The following ASCC2 variants were observed in gnomAD, a reference collection of about 807,000 sequenced individuals.
ASCC2 encodes the protein activating signal cointegrator 1 complex subunit 2, also known as ASC-1 complex subunit P100.
A neutral mutation model predicts 93.5 loss-of-function variants in ASCC2; 42 were observed. That is an observed-to-expected ratio of 0.45 (90% CI 0.35 to 0.58). The LOEUF (loss-of-function observed/expected upper bound fraction) is 0.58, where lower values mean the gene tolerates loss of function less well. Among genes scored for constraint, ASCC2 ranks in the 20% least tolerant of loss-of-function variants. The probability of loss-of-function intolerance (pLI) is 0.00; values close to 1 mark genes in which losing one functional copy is unlikely to be tolerated. For synonymous variants in ASCC2, 364 were observed against 384.2 expected, an observed-to-expected ratio of 0.95 and a Z score of 0.62; for missense variants, 859 against 977.6, an observed-to-expected ratio of 0.88 and a Z score of 1.62.
chr22:29,803,642 C>T (rs112616484), intron 13 of ASCC2, among the ~76,000 whole-genome samples: 7,775 of 152,262 alleles, frequency 0.051, 250 homozygotes, highest in South Asian at 0.098. Flanking sequence ...CCTTTAATTA[C>T]AATCTCTTTT....
intron 6 of ASCC2, 86 bp downstream of exon 6, chr22:29,815,920 C>T (rs2060799135): frequency 1.7e-6 from 2 of 1,172,696 alleles, no homozygotes; most frequent in Non-Finnish European, 2.5e-6. Context: ...TCAGCTCCTC[C>T]AGGAAAGTCA....
At chr22:29,800,279 C>A (rs1381537572) in intron 15 of ASCC2, among the ~76,000 whole-genome samples, 1 of 152,212 alleles carries the variant, frequency 6.6e-6, no homozygotes. Flanking sequence ...GCCTTCTTGA[C>A]TGGGGTGAAG....
At chr22:29,813,580 T>C (rs551016889) in intron 7 of ASCC2, 38 bp from the exon 8 acceptor site, 16 of 1,366,178 alleles carry the variant, frequency 1.2e-5, no homozygotes, top group Non-Finnish European at 1.5e-5. Context: ...TTCTCCTCTG[T>C]CCACACATAC....
Position 29,803,174 on chromosome 22 carries a change from C to T in ASCC2, c.1354-966G>A, listed in dbSNP as rs542567624. Among the ~76,000 whole-genome samples, 498 of 151,242 alleles carry T rather than the reference C, an allele frequency of 3.3e-3. 3 individuals are homozygous for T. Among genetic ancestry groups the T allele is most frequent in the African/African-American group, 0.012 (482 of 41,130 alleles). On this transcript the variant is annotated intron_variant, in intron 13 of 19. Coordinates refer to ENST00000307790, the MANE Select transcript of ASCC2 (RefSeq NM_032204.5). Reference sequence around the variant, plus strand: ...GCTGACACAGGAGAATCGCTTGATCCCAGGAGGCAGAGGTTGCAGTAAGCA... The same window carrying T: ...GCTGACACAGGAGAATCGCTTGATCTCAGGAGGCAGAGGTTGCAGTAAGCA...
chr22:29,806,286 G>A lies in ASCC2; in HGVS notation c.1090C>T (p.Leu364Phe), dbSNP rs1243480447. The change falls in exon 12 of 20, where the codon CTC becomes TTC. Residue 364 changes from leucine to phenylalanine, a missense_variant. Physicochemically the swap from Leu to Phe is conservative, Grantham distance 22. Coordinates refer to ENST00000307790, the MANE Select transcript of ASCC2 (RefSeq NM_032204.5). ...GGGAAGAGTGCATCATAGTCCCGGA[G>A]GAACCTGCAGGCAGATGAGAGCAGA... is the stretch of plus-strand genomic sequence containing the variant. ...FSSLLQEKRF[L>F]RDYDALFPVA... is the part of the protein sequence containing the mutation. The A allele has an allele frequency of 1.9e-6, 3 of 1,614,040 alleles. No individual in the cohort carries two copies. Among genetic ancestry groups the A allele is most frequent in the East Asian group, 2.2e-5 (1 of 44,892 alleles).
chr22:29,818,427 C>CT (rs1569410743), intron 5 of ASCC2, among the ~76,000 whole-genome samples: 1 of 41,774 alleles, frequency 2.4e-5, no homozygotes, highest in Non-Finnish European at 5.6e-5. Flanking sequence ...CACACACACA[C>CT]ACACACACAC....
chr22:29,828,150 C>G (rs970208930), intron 2 of ASCC2, among the ~76,000 whole-genome samples: 2 of 152,212 alleles, frequency 1.3e-5, no homozygotes, highest in African/African-American at 4.8e-5. Flanking sequence ...CCAGAGCAAG[C>G]AGACTTCCTC....
intron 4 of ASCC2, 92 bp from the exon 5 acceptor site, chr22:29,822,556 T>G: frequency 2.7e-6 from 4 of 1,468,952 alleles, no homozygotes; most frequent in Non-Finnish European, 2.8e-6. Context: ...TTTGGTTCCA[T>G]CAAATGGGGA....
intron 19 of ASCC2, among the ~76,000 whole-genome samples, chr22:29,790,265 G>T (rs563485755): frequency 6.6e-6 from 1 of 152,184 alleles, no homozygotes; most frequent in Admixed American, 6.5e-5. Flanking sequence ...GTGACTTCTG[G>T]CTGGTTACTT....
At chr22:29,837,168 C>T (rs370048807) in intron 1 of ASCC2, among the ~76,000 whole-genome samples, 5 of 151,926 alleles carry the variant, frequency 3.3e-5, no homozygotes, top group African/African-American at 1.2e-4. Context: ...CGATGGCTCA[C>T]GCCTGTAATC....
Position 29,819,602 on chromosome 22 carries a change from T to A in ASCC2, c.541+2733A>T, listed in dbSNP as rs143421973. Among the ~76,000 whole-genome samples the A allele has an allele frequency of 2.0e-5, 3 of 152,278 alleles. No homozygotes were observed. The East Asian group carries it at 5.8e-4, about 29-fold the overall frequency. ...GACACAGCCAGGAATAGAGCTGTGG[T>A]GTGAATTAGGCAGTTCGATTTCAAA... On this transcript the variant is annotated intron_variant, in intron 5 of 19. Transcript: ENST00000307790.
intron 13 of ASCC2, 34 bp downstream of exon 13, chr22:29,804,604 A>G (rs2059463442): frequency 6.2e-7 from 1 of 1,603,100 alleles, no homozygotes; most frequent in African/African-American, 1.3e-5. Context: ...AGGAGGGACA[A>G]GCGAAGAGGG....
intron 8 of ASCC2, among the ~76,000 whole-genome samples, chr22:29,813,156 C>T (rs1236100933): frequency 2.0e-5 from 3 of 152,136 alleles, no homozygotes; most frequent in African/African-American, 4.8e-5. Context: ...GCTAGGATGA[C>T]AGGCATGAGC....
chr22:29,793,456 T>C lies in ASCC2; in HGVS notation c.1823A>G (p.His608Arg), dbSNP rs1383695449. 1.9e-6 allele frequency: 3 copies of C among 1,614,038 alleles called. No individual in the cohort carries two copies. Among genetic ancestry groups the C allele is most frequent in the Non-Finnish European group, 2.5e-6 (3 of 1,180,044 alleles). The stretch of plus-strand genomic sequence containing the variant: ...GTACTCATCCTCGTAGTAGACACTG[T>C]GGTAGGGCAGGCTCTCGCCTGGCTG... ...PLQPGESLPY[H>R]SVYYEDEYDD... The change falls in exon 17 of 20, where the codon CAC becomes CGC. Residue 608 changes from histidine to arginine, a missense_variant. His to Arg is a conservative substitution (Grantham distance 29). Coordinates refer to ENST00000307790, the MANE Select transcript of ASCC2 (RefSeq NM_032204.5).
chr22:29,829,217 T>C (rs1174863551), intron 2 of ASCC2, among the ~76,000 whole-genome samples: 1 of 152,188 alleles, frequency 6.6e-6, no homozygotes, highest in Non-Finnish European at 1.5e-5. Context: ...TGGCAAATTG[T>C]ATATTTTAAA....
At chr22:29,824,761 G>A (rs1047860255) in intron 4 of ASCC2, among the ~76,000 whole-genome samples, 2 of 151,890 alleles carry the variant, frequency 1.3e-5, no homozygotes, top group African/African-American at 2.4e-5. Flanking sequence ...AAACAGTAAA[G>A]ATTTTTAAAA....
intron 5 of ASCC2, among the ~76,000 whole-genome samples, chr22:29,818,246 G>A (rs2061103949): frequency 6.6e-6 from 1 of 151,898 alleles, no homozygotes; most frequent in African/African-American, 2.4e-5. Flanking sequence ...AGAAATCGGC[G>A]GCTGCCCCTT....
chr22:29,792,478 C>T lies in ASCC2; in HGVS notation c.1977G>A (p.Glu659=). 1 of 1,614,046 alleles carries T rather than the reference C, an allele frequency of 6.2e-7. No homozygotes were observed. Among genetic ancestry groups the T allele is most frequent in the South Asian group, 1.1e-5 (1 of 91,086 alleles). ...RTKVPREGQE[E]DDDDEEDDAD... is the part of the protein sequence containing the mutation. ...CATCGTCTTCCTCATCGTCGTCATC[C>T]TCCTCCTGCCCTTCTCTAGGCACTT... The change falls in exon 18 of 20, where the codon GAG becomes GAA. Residue 659 remains glutamate, a synonymous_variant. Transcript: ENST00000307790.
chr22:29,835,007 G>A (rs1338191225), intron 1 of ASCC2, among the ~76,000 whole-genome samples: 1 of 152,114 alleles, frequency 6.6e-6, no homozygotes, highest in Non-Finnish European at 1.5e-5. Flanking sequence ...GAGACACAGG[G>A]TGGAGAAAAA....
Sources: gnomAD v4.1 joint callset for allele counts (sites outside exome capture counted in the v4.1 genomes callset) on GRCh38, gnomAD v4.1.1 for gene constraint, MANE v1.5 for transcripts, NCBI Gene and HGNC (gene_info 2026-07-23, HGNC 2026-07-21) for gene names.